The following CLASP1 variants were observed in gnomAD, a reference collection of about 807,000 sequenced individuals.
The protein encoded by CLASP1 is CLIP-associating protein 1.
In CLASP1, 38 loss-of-function variants were observed where a neutral mutation model predicts 192.3. The ratio of observed to expected loss-of-function variants is 0.20; its 90% CI spans 0.15 to 0.26. The LOEUF is 0.26. CLASP1 is among the 10% of genes least tolerant of loss of function. The probability of loss-of-function intolerance (pLI) is 1.00; values close to 1 mark genes in which losing one functional copy is unlikely to be tolerated. For synonymous variants in CLASP1, 691 were observed against 712.8 expected (o/e 0.97, Z 0.49); for missense variants, 1,433 against 1,932.5 (o/e 0.74, Z 4.85).
chr2:121,341,374 AAATCCTCT>A (rs1456916118), intron 39 of CLASP1, among the ~76,000 whole-genome samples: 2 of 152,214 alleles, frequency 1.3e-5, no homozygotes, highest in Admixed American at 1.3e-4. Flanking sequence ...GTCAGAGGGC[AAATCCTCT>A]AACCTTCACA....
chr2:121,626,575 TG>T (rs1302006341), intron 1 of CLASP1, among the ~76,000 whole-genome samples: 1 of 140,306 alleles, frequency 7.1e-6, no homozygotes, highest in African/African-American at 3.1e-5. Context: ...ACCAGAATTT[TG>T]ATTCCTTTTT....
intron 8 of CLASP1, among the ~76,000 whole-genome samples, chr2:121,478,676 A>C (rs780079107): frequency 3.9e-4 from 27 of 69,406 alleles, no homozygotes; most frequent in Admixed American, 8.4e-4. Flanking sequence ...CACACACACC[A>C]CACACACACC....
At chr2:121,457,886 T>C in intron 13 of CLASP1, 129 bp from the exon 14 acceptor site, 2 of 619,094 alleles carry the variant, frequency 3.2e-6, no homozygotes, top group Admixed American at 3.3e-5. Context: ...CAGTGAGTTT[T>C]AAAAGAAAAA....
rs1348831597 is a variant in CLASP1 at position 121,498,079 on chromosome 2, G to A, written c.712+5088C>T. 3.3e-5 allele frequency among the ~76,000 whole-genome samples: 5 copies of A among 151,986 alleles called. No individual in the cohort carries two copies. In the East Asian group the frequency reaches 9.7e-4, roughly 29 times the overall value. ...TTCACCGTGTTGCCCAGGCTGGTCT[G>A]GAACTCCTGAGCTCAGGCAATCTGC... On this transcript the variant is annotated intron_variant, in intron 8 of 39. Transcript: ENST00000263710.
chr2:121,443,168 G>A (rs372066591), intron 19 of CLASP1, among the ~76,000 whole-genome samples: 1 of 151,892 alleles, frequency 6.6e-6, no homozygotes, highest in Admixed American at 6.6e-5. Context: ...CGGAGTCTGA[G>A]CTCTCTATAA....
intron 2 of CLASP1, among the ~76,000 whole-genome samples, chr2:121,573,098 T>A (rs1202902620): frequency 2.0e-5 from 3 of 152,178 alleles, no homozygotes; most frequent in African/African-American, 7.2e-5. Context: ...TAGCTAAGAT[T>A]ACAGGTGCCT....
chr2:121,444,878 G>A (rs1438824387), intron 19 of CLASP1: 12 of 1,180,628 alleles, frequency 1.0e-5, no homozygotes, highest in Middle Eastern at 2.2e-4. Flanking sequence ...GGCAACACTC[G>A]GTGAGAACAG....
At chr2:121,644,795 C>T (rs2072848393) in intron 1 of CLASP1, among the ~76,000 whole-genome samples, 1 of 151,698 alleles carries the variant, frequency 6.6e-6, no homozygotes, top group Non-Finnish European at 1.5e-5. Context: ...ACTTCTAAAA[C>T]AAAATTTAGA....
chr2:121,481,310 C>T (rs1227939130), intron 8 of CLASP1, among the ~76,000 whole-genome samples: 1 of 151,722 alleles, frequency 6.6e-6, no homozygotes, highest in East Asian at 1.9e-4. Flanking sequence ...ACAACTAATT[C>T]AAATTAGGCA....
chr2:121,467,689 T>C (rs948030828), intron 9 of CLASP1, among the ~76,000 whole-genome samples: 8 of 152,226 alleles, frequency 5.3e-5, no homozygotes, highest in Admixed American at 2.0e-4. Flanking sequence ...AGATTCTGGA[T>C]GTTAGGCCTT....
At chr2:121,390,124 C>A (rs992764293) in intron 30 of CLASP1, among the ~76,000 whole-genome samples, 6 of 152,224 alleles carry the variant, frequency 3.9e-5, no homozygotes, top group Admixed American at 3.9e-4. Context: ...TATCTCCAAC[C>A]CTCTGAATCA....
intron 2 of CLASP1, among the ~76,000 whole-genome samples, chr2:121,543,129 G>A (rs886668990): frequency 7.2e-5 from 11 of 152,174 alleles, no homozygotes; most frequent in African/African-American, 2.7e-4. Context: ...CATGGCTACT[G>A]TACTGGACAG....
chr2:121,533,249 G>T (rs2094945879), intron 2 of CLASP1, among the ~76,000 whole-genome samples: 1 of 152,104 alleles, frequency 6.6e-6, no homozygotes, highest in Admixed American at 6.5e-5. Flanking sequence ...AGAGGTCCAG[G>T]GTGTCAGCCA....
intron 8 of CLASP1, chr2:121,470,636 A>T (rs763311094): frequency 4.4e-6 from 2 of 452,110 alleles, no homozygotes; most frequent in South Asian, 3.2e-5. Context: ...AATATTGCCA[A>T]TACTTTCCTA....
intron 1 of CLASP1, among the ~76,000 whole-genome samples, chr2:121,614,404 G>A (rs1429974677): frequency 6.6e-6 from 1 of 152,154 alleles, no homozygotes; most frequent in Non-Finnish European, 1.5e-5. Context: ...GCTGAGGCAG[G>A]GAAATCACTT....
intron 2 of CLASP1, among the ~76,000 whole-genome samples, chr2:121,581,468 G>T (rs112177321): frequency 0.038 from 5,812 of 151,438 alleles, 159 homozygotes; most frequent in East Asian, 0.14. Context: ...TAGAGACGGG[G>T]TTTCACCTTG....
chr2:121,370,843 T>C (rs922911880), intron 34 of CLASP1, among the ~76,000 whole-genome samples: 2 of 152,192 alleles, frequency 1.3e-5, no homozygotes, highest in African/African-American at 4.8e-5. Context: ...CAAATTTCAC[T>C]TCTTTCAACT....
chr2:121,480,090 T>C (rs12616578), intron 8 of CLASP1, among the ~76,000 whole-genome samples: 1,663 of 152,210 alleles, frequency 0.011, 28 homozygotes, highest in East Asian at 0.053. Context: ...ATCTCAACAA[T>C]GACACCACTG....
Position 121,510,655 on chromosome 2 carries a change from G to A in CLASP1, c.644+5010C>T, listed in dbSNP as rs576545355. 5.5e-4 allele frequency among the ~76,000 whole-genome samples: 84 copies of A among 151,616 alleles called. 1 individual carries two copies. In the South Asian group the frequency reaches 0.013, roughly 24 times the overall value. On this transcript the variant is annotated intron_variant, in intron 7 of 39. Coordinates refer to ENST00000263710, the Ensembl canonical transcript of CLASP1. ...TGTACAAAAAATACAGAAATTACCC[G>A]CGCATGGTAGCATGCGCCTGTAGTC... is the stretch of plus-strand genomic sequence containing the variant.
Sources: allele counts gnomAD v4.1 joint callset (sites outside exome capture counted in the v4.1 genomes callset), GRCh38; gene constraint gnomAD v4.1.1; transcripts MANE v1.5; gene names NCBI Gene and HGNC (gene_info 2026-07-23, HGNC 2026-07-21).